Variants in CNTNAP2 observed in about 807,000 individuals in gnomAD.
CNTNAP2 encodes contactin-associated protein-like 2.
CNTNAP2 carries 98 observed loss-of-function variants against 155.2 expected under a neutral mutation model. That is an observed-to-expected ratio of 0.63 (90% CI 0.54 to 0.75). The LOEUF is 0.75. Among genes scored for constraint, CNTNAP2 ranks in the 30% least tolerant of loss-of-function variants. The pLI, the probability that CNTNAP2 is intolerant of heterozygous loss-of-function variation, is 0.00. For synonymous variants in CNTNAP2, 651 were observed against 631.2 expected, an observed-to-expected ratio of 1.03 and a Z score of -0.47; for missense variants, 1,727 against 1,688.1, an observed-to-expected ratio of 1.02 and a Z score of -0.40.
At chr7:146,663,753 A>G (rs931671489) in intron 1 of CNTNAP2, among the ~76,000 whole-genome samples, 2 of 152,162 alleles carry the variant, frequency 1.3e-5, no homozygotes, top group African/African-American at 4.8e-5. Flanking sequence ...GCTTTTCTGT[A>G]AAGTGTTTGG....
chr7:146,592,553 G>A (rs960411926), intron 1 of CNTNAP2, among the ~76,000 whole-genome samples: 4 of 152,154 alleles, frequency 2.6e-5, no homozygotes, highest in African/African-American at 9.7e-5. Context: ...TCATTCCAGA[G>A]ATTACTCCTC....
At chr7:146,523,785 T>G (rs1797649663) in intron 1 of CNTNAP2, among the ~76,000 whole-genome samples, 1 of 152,178 alleles carries the variant, frequency 6.6e-6, no homozygotes, top group Admixed American at 6.6e-5. Context: ...CCGATAATTT[T>G]CAATTAAATC....
chr7:146,644,120 G>A lies in CNTNAP2; in HGVS notation c.98-130151G>A, dbSNP rs572559477. Among the ~76,000 whole-genome samples, 59 of 152,232 alleles carry A rather than the reference G, an allele frequency of 3.9e-4. 1 individual carries two copies. The highest frequency in any genetic ancestry group is 3.4e-3 in the Admixed American group (52 of 15,280). On this transcript the variant is annotated intron_variant, in intron 1 of 23. Transcript: ENST00000361727. Reference sequence around the variant, plus strand: ...TGTCGTCTGCAAACAGGGACAATTCGACTTCCTCTTTTCCTAATTGAATAC... The same window carrying A: ...TGTCGTCTGCAAACAGGGACAATTCAACTTCCTCTTTTCCTAATTGAATAC...
At chr7:147,003,891 G>T (rs1798474852) in intron 3 of CNTNAP2, among the ~76,000 whole-genome samples, 1 of 151,802 alleles carries the variant, frequency 6.6e-6, no homozygotes, top group African/African-American at 2.4e-5. Context: ...AATTATCCAG[G>T]CATGATGGTG....
chr7:147,821,866 G>A (rs1017217228), intron 13 of CNTNAP2, among the ~76,000 whole-genome samples: 1 of 152,082 alleles, frequency 6.6e-6, no homozygotes, highest in Non-Finnish European at 1.5e-5. Flanking sequence ...AAAGTTATTG[G>A]AAGTTACTGA....
intron 8 of CNTNAP2, among the ~76,000 whole-genome samples, chr7:147,134,101 ATGAAGGCCTGTCTCCT>A (rs1801431342): frequency 6.6e-6 from 1 of 152,006 alleles, no homozygotes; most frequent in Non-Finnish European, 1.5e-5. Flanking sequence ...AAATATTAGT[ATGAAGGCCTGTCTCCT>A]TGCAGTCTCT....
At chr7:146,680,969 G>T (rs73166378) in intron 1 of CNTNAP2, among the ~76,000 whole-genome samples, 16,449 of 151,962 alleles carry the variant, frequency 0.11, 1,434 homozygotes, top group African/African-American at 0.24. Flanking sequence ...CTGATGAGAT[G>T]AATACTAAAA....
intron 1 of CNTNAP2, among the ~76,000 whole-genome samples, chr7:146,760,283 C>T (rs1802069443): frequency 6.6e-6 from 1 of 152,002 alleles, no homozygotes; most frequent in Non-Finnish European, 1.5e-5. Flanking sequence ...CATTCTTCTT[C>T]CTATTACTTC....
chr7:147,156,883 T>C (rs1174654312), intron 8 of CNTNAP2, among the ~76,000 whole-genome samples: 1 of 152,112 alleles, frequency 6.6e-6, no homozygotes, highest in African/African-American at 2.4e-5. Flanking sequence ...CAAGCATATG[T>C]CACCTTTGAT....
chr7:148,184,762 A>G (rs1417588017), intron 18 of CNTNAP2, among the ~76,000 whole-genome samples: 1 of 152,204 alleles, frequency 6.6e-6, no homozygotes, highest in Non-Finnish European at 1.5e-5. Flanking sequence ...GAGTAACTTG[A>G]ATTCCAATTT....
chr7:147,307,761 C>A (rs965727092), intron 9 of CNTNAP2, among the ~76,000 whole-genome samples: 1 of 152,020 alleles, frequency 6.6e-6, no homozygotes, highest in Non-Finnish European at 1.5e-5. Flanking sequence ...TTTTTGAATT[C>A]GCTTTGATGT....
At chr7:147,226,759 A>C (rs1803554748) in intron 8 of CNTNAP2, among the ~76,000 whole-genome samples, 1 of 152,180 alleles carries the variant, frequency 6.6e-6, no homozygotes, top group African/African-American at 2.4e-5. Context: ...ACAGCAAGAA[A>C]TTAGCCTTCC....
At chr7:147,756,098 C>T (rs1008474338) in intron 13 of CNTNAP2, among the ~76,000 whole-genome samples, 1 of 152,164 alleles carries the variant, frequency 6.6e-6, no homozygotes, top group African/African-American at 2.4e-5. Context: ...ATAACAATGA[C>T]ACACAAAAGC....
At chr7:147,252,557 T>C (rs1584821202) in intron 8 of CNTNAP2, among the ~76,000 whole-genome samples, 1 of 152,210 alleles carries the variant, frequency 6.6e-6, no homozygotes, top group Non-Finnish European at 1.5e-5. Flanking sequence ...TTTCATACCA[T>C]AATGAAATAA....
chr7:146,729,780 A>G (rs936294291), intron 1 of CNTNAP2, among the ~76,000 whole-genome samples: 4 of 152,148 alleles, frequency 2.6e-5, no homozygotes, highest in African/African-American at 9.7e-5. Flanking sequence ...ACCTCTCTAA[A>G]ACCCTCGGAA....
intron 8 of CNTNAP2, among the ~76,000 whole-genome samples, chr7:147,204,515 G>T (rs956585030): frequency 2.6e-5 from 4 of 152,070 alleles, no homozygotes; most frequent in Admixed American, 6.5e-5. Context: ...CATGCTATAT[G>T]AAACAGTGAA....
At chr7:146,721,635 T>C (rs1256815139) in intron 1 of CNTNAP2, among the ~76,000 whole-genome samples, 1 of 120,890 alleles carries the variant, frequency 8.3e-6, no homozygotes, top group Non-Finnish European at 1.6e-5. Context: ...ATACATTCTA[T>C]ATATATTCTA....
intron 10 of CNTNAP2, among the ~76,000 whole-genome samples, chr7:147,420,167 G>A (rs966091802): frequency 6.6e-6 from 1 of 152,172 alleles, no homozygotes; most frequent in Admixed American, 6.5e-5. Flanking sequence ...AGAAATGAGA[G>A]CAATAATTTG....
At chr7:146,473,616 C>T (rs1796831619) in intron 1 of CNTNAP2, among the ~76,000 whole-genome samples, 1 of 152,144 alleles carries the variant, frequency 6.6e-6, no homozygotes, top group Non-Finnish European at 1.5e-5. Context: ...TCAATAAACG[C>T]CCCTGGATTT....
Sources: gnomAD v4.1 joint callset for allele counts (sites outside exome capture counted in the v4.1 genomes callset) on GRCh38, gnomAD v4.1.1 for gene constraint, MANE v1.5 for transcripts, NCBI Gene and HGNC (gene_info 2026-07-23, HGNC 2026-07-21) for gene names.